OPCML: variants seen among roughly 807,000 people sequenced by gnomAD.
OPCML encodes the protein opioid-binding protein/cell adhesion molecule.
A neutral mutation model predicts 37.8 loss-of-function variants in OPCML; 13 were observed. That is an observed-to-expected ratio of 0.34 (90% CI 0.22 to 0.55). The LOEUF (loss-of-function observed/expected upper bound fraction) is 0.55. Among genes scored for constraint, OPCML ranks in the 20% least tolerant of loss-of-function variants. The probability of loss-of-function intolerance (pLI) is 0.91; values close to 1 mark genes in which losing one functional copy is unlikely to be tolerated. For synonymous variants in OPCML, 176 were observed against 168.8 expected (o/e 1.04, Z -0.33); for missense variants, 341 against 435.6 (o/e 0.78, Z 1.93).
chr11:133,435,343 C>T (rs987680243), intron 1 of OPCML, among the ~76,000 whole-genome samples: 1 of 152,080 alleles, frequency 6.6e-6, no homozygotes, highest in African/African-American at 2.4e-5. Flanking sequence ...CCTAGGAGTG[C>T]TTTTCCCATA....
At chr11:133,122,147 G>A (rs1398443801) in intron 1 of OPCML, among the ~76,000 whole-genome samples, 2 of 152,150 alleles carry the variant, frequency 1.3e-5, no homozygotes, top group Non-Finnish European at 2.9e-5. Flanking sequence ...AACACTAGTC[G>A]AATATGGGTA....
At chr11:132,469,279 C>G (rs759277121) in intron 4 of OPCML, among the ~76,000 whole-genome samples, 1 of 152,164 alleles carries the variant, frequency 6.6e-6, no homozygotes, top group Non-Finnish European at 1.5e-5. Context: ...CAAGGTGATG[C>G]TTTAGAGAAT....
intron 2 of OPCML, among the ~76,000 whole-genome samples, chr11:132,701,521 A>C (rs778410675): frequency 1.4e-4 from 21 of 152,090 alleles, no homozygotes; most frequent in Non-Finnish European, 2.4e-4. Flanking sequence ...TTTCACTTTC[A>C]GCCTATGTTT....
intron 1 of OPCML, among the ~76,000 whole-genome samples, chr11:133,227,343 A>AT (rs1243227758): frequency 2.6e-5 from 4 of 152,176 alleles, no homozygotes; most frequent in African/African-American, 7.2e-5. Context: ...CATTCTTGTG[A>AT]TTTTGTCAGA....
intron 7 of OPCML, among the ~76,000 whole-genome samples, chr11:132,434,657 C>T (rs1422110142): frequency 5.9e-5 from 9 of 152,248 alleles, no homozygotes; most frequent in African/African-American, 9.6e-5. Context: ...AACCAGTACA[C>T]GTTTGGTAAA....
intron 1 of OPCML, among the ~76,000 whole-genome samples, chr11:133,415,347 T>G (rs1408065235): frequency 1.3e-5 from 2 of 151,846 alleles, no homozygotes; most frequent in Non-Finnish European, 2.9e-5. Flanking sequence ...GAGGCAGAAC[T>G]TGCAGTGAGC....
chr11:132,980,076 C>T (rs1946550000), intron 1 of OPCML, among the ~76,000 whole-genome samples: 1 of 152,082 alleles, frequency 6.6e-6, no homozygotes, highest in Non-Finnish European at 1.5e-5. Context: ...ACTATAGTGC[C>T]TCAAAATGTG....
chr11:133,152,944 T>C (rs1950007770), intron 1 of OPCML, among the ~76,000 whole-genome samples: 1 of 152,094 alleles, frequency 6.6e-6, no homozygotes, highest in Non-Finnish European at 1.5e-5. Flanking sequence ...AAAATATTCA[T>C]TTCACAGCCT....
chr11:132,557,408 C>A (rs868076830), intron 3 of OPCML, among the ~76,000 whole-genome samples: 1 of 152,164 alleles, frequency 6.6e-6, no homozygotes, highest in Non-Finnish European at 1.5e-5. Flanking sequence ...CCTTGATTAA[C>A]CCTGCAGTTG....
Position 133,275,043 on chromosome 11 carries a change from T to A in OPCML, c.61+257221A>T, listed in dbSNP as rs191517528. ...TGAACATTTTTGGGTCTGGCCACAATTAACAATTAAATTGATTTACTGACA... is the reference window on the plus strand; with the variant it reads ...TGAACATTTTTGGGTCTGGCCACAAATAACAATTAAATTGATTTACTGACA... On this transcript the variant is annotated intron_variant, in intron 1 of 7. Coordinates refer to ENST00000524381, the MANE Select transcript of OPCML (RefSeq NM_001012393.5). Among the ~76,000 whole-genome samples, 857 of 152,170 alleles carry A rather than the reference T, an allele frequency of 5.6e-3. 15 individuals carry two copies. The highest frequency in any genetic ancestry group is 0.038 in the Admixed American group (578 of 15,274).
chr11:133,229,971 G>A lies in OPCML; in HGVS notation c.62-286961C>T, dbSNP rs181076476. Among the ~76,000 whole-genome samples the A allele has an allele frequency of 1.3e-3, 200 of 152,210 alleles. 1 individual carries two copies. Among genetic ancestry groups the A allele is most frequent in the Non-Finnish European group, 2.1e-3 (143 of 68,032 alleles). ...ACTGTATGCACGTATTCTCACTTAC[G>A]TGCCCAAGGCAATAGCTTGACTCTA... On this transcript the variant is annotated intron_variant, in intron 1 of 7. Coordinates refer to ENST00000524381, the MANE Select transcript of OPCML (RefSeq NM_001012393.5).
chr11:132,798,316 C>T (rs1312617578), intron 2 of OPCML, among the ~76,000 whole-genome samples: 1 of 152,108 alleles, frequency 6.6e-6, no homozygotes, highest in African/African-American at 2.4e-5. Flanking sequence ...AGTGATCCAC[C>T]CGCCTCAGCC....
rs1455612503 is a variant in OPCML at position 132,962,791 on chromosome 11, T to C, written c.62-19781A>G. ...TTCACGGGCAGGCACTTCACCGCAT[T>C]TGGGTTTTCAGTCTTTGCTGTTTTT... is the stretch of plus-strand genomic sequence containing the variant. On this transcript the variant is annotated intron_variant, in intron 1 of 7. Transcript: ENST00000524381. 2.6e-5 allele frequency among the ~76,000 whole-genome samples: 4 copies of C among 152,150 alleles called. No individual in the cohort carries two copies. In the South Asian group the frequency reaches 8.3e-4, roughly 32 times the overall value.
chr11:132,996,962 C>G (rs1423421873), intron 1 of OPCML, among the ~76,000 whole-genome samples: 1 of 152,218 alleles, frequency 6.6e-6, no homozygotes, highest in Non-Finnish European at 1.5e-5. Flanking sequence ...TTTCCTGGTG[C>G]GGCCTCTGCC....
intron 3 of OPCML, among the ~76,000 whole-genome samples, chr11:132,570,626 A>T (rs1031825622): frequency 5.3e-5 from 8 of 151,504 alleles, no homozygotes; most frequent in African/African-American, 1.9e-4. Context: ...TTTATAAATT[A>T]ACAGTCTCAA....
intron 1 of OPCML, among the ~76,000 whole-genome samples, chr11:133,458,749 A>ATACACATAGATGCACGTGTGTGTG (rs1565645868): frequency 1.3e-3 from 41 of 30,916 alleles, no homozygotes; most frequent in African/African-American, 5.5e-3. Context: ...ACGTGTGTGT[A>ATACACATAGATGCACGTGTGTGTG]TATATACACA....
chr11:133,425,719 G>C (rs1278031557), intron 1 of OPCML, among the ~76,000 whole-genome samples: 1 of 151,782 alleles, frequency 6.6e-6, no homozygotes, highest in Admixed American at 6.6e-5. Flanking sequence ...TGCCAAACTG[G>C]GTGATTTTTT....
chr11:132,629,842 G>T (rs1243524536), intron 3 of OPCML, among the ~76,000 whole-genome samples: 2 of 151,930 alleles, frequency 1.3e-5, no homozygotes, highest in African/African-American at 4.8e-5. Flanking sequence ...CATAATAATG[G>T]ATATAAAGAA....
intron 1 of OPCML, among the ~76,000 whole-genome samples, chr11:133,196,172 T>C (rs1282121073): frequency 6.6e-6 from 1 of 152,240 alleles, no homozygotes; most frequent in Non-Finnish European, 1.5e-5. Context: ...CTAATTCTTC[T>C]TAATGACTTT....
Sources: gnomAD v4.1 joint callset for allele counts (sites outside exome capture counted in the v4.1 genomes callset) on GRCh38, gnomAD v4.1.1 for gene constraint, MANE v1.5 for transcripts, NCBI Gene and HGNC (gene_info 2026-07-23, HGNC 2026-07-21) for gene names.